The following SERPINB6 variants were observed in gnomAD, a reference collection of about 807,000 sequenced individuals.
SERPINB6 encodes serpin B6.
SERPINB6 carries 16 observed loss-of-function variants against 26.1 expected under a neutral mutation model. That is an observed-to-expected ratio of 0.61 (90% CI 0.42 to 0.93). The LOEUF is 0.93. SERPINB6 is among the 40% of genes least tolerant of loss of function. SERPINB6 has a pLI of 0.00. For missense variants in SERPINB6, 420 were observed against 478.0 expected (o/e 0.88, Z 1.13); for synonymous variants, 174 against 176.6 (o/e 0.99, Z 0.11).
At position 2,967,135 on chromosome 6, in the gene SERPINB6, G is replaced by A. The variant is rs1442454661; in HGVS notation, c.-11+4398C>T. On this transcript the variant is annotated intron_variant, in intron 1 of 6. Coordinates refer to ENST00000380539, the MANE Select transcript of SERPINB6 (RefSeq NM_004568.6). This position sits in a 1 kb window ranked among gnomAD's most constrained non-coding sequence, Gnocchi z 4.3. ...TTGGGGCCAGGCTACTCACCCCAAA[G>A]GTGACCAGTGCAGAGCTCCAGCCAC... The A allele has an allele frequency of 2.0e-6, 2 of 984,996 alleles. No individual in the cohort carries two copies. The highest frequency in any genetic ancestry group is 2.4e-6 in the Non-Finnish European group (2 of 829,688). 61.0% of individuals were successfully genotyped at this position (984,996 alleles called of 1,614,324 possible).
At chr6:2,966,218 C>T (rs940270964) in intron 1 of SERPINB6, among the ~76,000 whole-genome samples, 3 of 152,190 alleles carry the variant, frequency 2.0e-5, no homozygotes. Flanking sequence ...ACAGTGCAAA[C>T]ATTACTGAAT....
chr6:2,970,961 AG>A, intron 1 of SERPINB6: 1 of 1,221,094 alleles, frequency 8.2e-7, no homozygotes. Flanking sequence ...GAACACACGC[AG>A]GGGGCCCGGA....
At chr6:2,969,457 TCA>T (rs1242165569) in intron 1 of SERPINB6, 1 of 970,844 alleles carries the variant, frequency 1.0e-6, no homozygotes, top group Non-Finnish European at 1.2e-6. Flanking sequence ...TGATATTTAA[TCA>T]CAGACATAAA....
At chr6:2,960,758 G>A (rs9501902) in intron 1 of SERPINB6, 50,786 of 152,226 alleles carry the variant, frequency 0.33, 8,794 homozygotes, top group East Asian at 0.51. Flanking sequence ...AAAGATACCT[G>A]GGTCATAATC....
chr6:2,961,631 A>G (rs76243332), intron 1 of SERPINB6, among the ~76,000 whole-genome samples: 485 of 152,348 alleles, frequency 3.2e-3, no homozygotes, highest in African/African-American at 0.011. Flanking sequence ...TCCGTGTCTC[A>G]GGACTCAAAG....
At chr6:2,950,532 C>CA (rs5873848) in intron 5 of SERPINB6, among the ~76,000 whole-genome samples, 3,197 of 110,128 alleles carry the variant, frequency 0.029, 56 homozygotes, top group South Asian at 0.067. Flanking sequence ...GACTCCATCT[C>CA]AAAAAAAAAA....
chr6:2,970,682 T>A, intron 1 of SERPINB6: 1 of 1,216,796 alleles, frequency 8.2e-7, no homozygotes, highest in East Asian at 3.2e-5. Context: ...ACATTAATTA[T>A]TAATTTTCTG....
intron 1 of SERPINB6, chr6:2,962,259 G>T: frequency 2.1e-6 from 2 of 968,426 alleles, no homozygotes; most frequent in Non-Finnish European, 1.2e-6. Context: ...GTTTCACTGT[G>T]TCAGGGGATT....
intron 2 of SERPINB6, chr6:2,955,929 G>A (rs1477873741): frequency 5.0e-6 from 2 of 397,282 alleles, no homozygotes; most frequent in Non-Finnish European, 9.5e-6. Flanking sequence ...ACACAAAAAT[G>A]AGCTGGGCCT....
chr6:2,948,738 C>T lies in SERPINB6; in HGVS notation c.730-39G>A. On this transcript the variant is annotated intron_variant, in intron 6 of 6. Coordinates refer to ENST00000380539, the MANE Select transcript of SERPINB6 (RefSeq NM_004568.6). This position sits in a 1 kb window ranked among gnomAD's most constrained non-coding sequence, Gnocchi z 5.0. ...GTTGAAGACTTTAAGACCCAGGGTG[C>T]TGCTGCCCAGCAGGGCCCTGTGCTA... 1 of 1,602,284 alleles carries T rather than the reference C, an allele frequency of 6.2e-7. No individual in the cohort carries two copies. Among genetic ancestry groups the T allele is most frequent in the Non-Finnish European group, 8.5e-7 (1 of 1,169,688 alleles).
At chr6:2,955,173 G>C (rs1281725979) in intron 3 of SERPINB6, 1 of 300,774 alleles carries the variant, frequency 3.3e-6, no homozygotes, top group Non-Finnish European at 6.2e-6. Context: ...CTGGGCGACA[G>C]AGCGAGATTC....
At chr6:2,952,781 G>A (rs1274468935) in intron 5 of SERPINB6, among the ~76,000 whole-genome samples, 4 of 152,260 alleles carry the variant, frequency 2.6e-5, no homozygotes, top group African/African-American at 9.6e-5. Context: ...CTAGAGAAAA[G>A]GAGGAAATGT....
intron 4 of SERPINB6, among the ~76,000 whole-genome samples, chr6:2,954,259 T>C (rs1284599186): frequency 6.6e-6 from 1 of 152,232 alleles, no homozygotes; most frequent in Non-Finnish European, 1.5e-5. Context: ...GAATTTTTTA[T>C]GTTACTTGTG....
chr6:2,961,785 A>C (rs112743277), intron 1 of SERPINB6: 1 of 979,392 alleles, frequency 1.0e-6, no homozygotes, highest in African/African-American at 1.7e-5. Context: ...ACAGAGGTTA[A>C]GTACCATGTC....
At chr6:2,969,450 T>C in intron 1 of SERPINB6, 1 of 968,348 alleles carries the variant, frequency 1.0e-6, no homozygotes, top group Non-Finnish European at 1.2e-6. Context: ...TAAAAAATGA[T>C]ATTTAATCAC....
At chr6:2,959,111 T>C in intron 2 of SERPINB6, 57 bp downstream of exon 2, 1 of 1,604,184 alleles carries the variant, frequency 6.2e-7, no homozygotes, top group East Asian at 2.2e-5. Context: ...GGATTTGGAA[T>C]AAGGAGGACC....
chr6:2,952,361 T>C (rs1183598395), intron 5 of SERPINB6, among the ~76,000 whole-genome samples: 1 of 152,240 alleles, frequency 6.6e-6, no homozygotes, highest in Admixed American at 6.5e-5. Flanking sequence ...TTCTGTTTAC[T>C]TTGTCTATGT....
chr6:2,951,064 G>A (rs1024855309), intron 5 of SERPINB6, among the ~76,000 whole-genome samples: 1 of 152,202 alleles, frequency 6.6e-6, no homozygotes, highest in African/African-American at 2.4e-5. Flanking sequence ...CAACGACTCA[G>A]CTGTTGTTAC....
rs773252719 is a variant in SERPINB6, at chr6:2,949,038, T to A, written c.605A>T (p.Lys202Met). 3 of 1,614,208 alleles carry A rather than the reference T, an allele frequency of 1.9e-6. No individual in the cohort carries two copies. The highest frequency in any genetic ancestry group is 2.5e-6 in the Non-Finnish European group (3 of 1,180,044). ...NEEKPVQMMF[K>M]QSTFKKTYIG... ...ATAGGTCTTCTTAAAAGTAGATTGC[T>A]TAAACATCATTTGCACAGGTTTCTC... Residue 202 changes from lysine to methionine, a missense_variant, in exon 6 of 7, where the codon AAG becomes ATG. Lys to Met is a moderately conservative substitution (Grantham distance 95). Transcript: ENST00000380539.
Sources: gnomAD v4.1 joint callset for allele counts (sites outside exome capture counted in the v4.1 genomes callset) on GRCh38, gnomAD v4.1.1 for gene constraint, Gnocchi (gnomAD v3.1) non-coding constraint, MANE v1.5 for transcripts, NCBI Gene and HGNC (gene_info 2026-07-23, HGNC 2026-07-21) for gene names.